Variants in MAML3 observed in about 807,000 individuals in gnomAD.
MAML3 encodes the protein mastermind like transcriptional coactivator 3.
In MAML3, 27 loss-of-function variants were observed where a neutral mutation model predicts 101.9. The observed-to-expected ratio is 0.27, with a 90% CI of 0.20 to 0.37. The LOEUF (loss-of-function observed/expected upper bound fraction) is 0.37. Ranked by LOEUF, MAML3 falls within the 10% of genes least tolerant of loss-of-function variation. The pLI, the probability that MAML3 is intolerant of heterozygous loss-of-function variation, is 1.00. For missense variants in MAML3, 1,316 were observed against 1,444.9 expected (o/e 0.91, Z 1.45); for synonymous variants, 501 against 555.9 (o/e 0.90, Z 1.39).
intron 1 of MAML3, among the ~76,000 whole-genome samples, chr4:140,032,377 A>G (rs1416948661): frequency 2.6e-5 from 4 of 152,226 alleles, no homozygotes; most frequent in African/African-American, 9.7e-5. Context: ...AACCTCTAGC[A>G]TTGAATGTAG....
chr4:139,850,602 C>T (rs902343327), intron 2 of MAML3, among the ~76,000 whole-genome samples: 5 of 151,674 alleles, frequency 3.3e-5, no homozygotes, highest in South Asian at 2.1e-4. Context: ...GGCACAATCT[C>T]GGCTCACTGC....
At chr4:139,815,302 C>T (rs809945) in intron 2 of MAML3, among the ~76,000 whole-genome samples, 125,268 of 152,160 alleles carry the variant, frequency 0.82, 51,579 homozygotes, top group South Asian at 0.89. Flanking sequence ...ATTTCTCTTA[C>T]AACAGGTAAA....
intron 2 of MAML3, among the ~76,000 whole-genome samples, chr4:139,875,227 TCCCGA>T (rs1732088393): frequency 7.3e-6 from 1 of 137,230 alleles, no homozygotes; most frequent in African/African-American, 2.7e-5. Context: ...CAGAGCTGAC[TCCCGA>T]CCTCTACACT....
chr4:139,971,977 T>C (rs1338627062), intron 1 of MAML3, among the ~76,000 whole-genome samples: 1 of 152,240 alleles, frequency 6.6e-6, no homozygotes, highest in African/African-American at 2.4e-5. Context: ...TTCAAATTTA[T>C]GCTTTGGCAA....
intron 1 of MAML3, among the ~76,000 whole-genome samples, chr4:139,964,759 AC>A (rs902202192): frequency 6.6e-6 from 1 of 152,034 alleles, no homozygotes; most frequent in Non-Finnish European, 1.5e-5. Context: ...CAAGAGATGT[AC>A]TTCTACTTAT....
At chr4:139,937,392 G>GTTT (rs949562371) in intron 1 of MAML3, among the ~76,000 whole-genome samples, 2 of 143,610 alleles carry the variant, frequency 1.4e-5, no homozygotes, top group Admixed American at 7.0e-5. Flanking sequence ...TAGCAAAGGA[G>GTTT]TTTTTTTTTT....
At chr4:139,818,506 T>A (rs567334013) in intron 2 of MAML3, among the ~76,000 whole-genome samples, 36 of 152,320 alleles carry the variant, frequency 2.4e-4, no homozygotes, top group African/African-American at 8.4e-4. Flanking sequence ...ATATCACAAT[T>A]CCTTCCTACT....
chr4:139,978,916 TCAAAGAGC>T (rs1288204787), intron 1 of MAML3, among the ~76,000 whole-genome samples: 1 of 30,762 alleles, frequency 3.3e-5, no homozygotes, highest in African/African-American at 6.8e-5. Flanking sequence ...CCTTTCACTT[TCAAAGAGC>T]TCTATGACTA....
intron 1 of MAML3, among the ~76,000 whole-genome samples, chr4:139,984,809 T>C (rs1734507753): frequency 1.3e-5 from 2 of 152,294 alleles, no homozygotes; most frequent in Admixed American, 1.3e-4. Flanking sequence ...CCCTGGGTAA[T>C]CTCCTTTATT....
intron 2 of MAML3, among the ~76,000 whole-genome samples, chr4:139,737,995 G>T (rs573947852): frequency 5.6e-4 from 85 of 152,374 alleles, no homozygotes; most frequent in African/African-American, 2.0e-3. Flanking sequence ...GGGGCCCAAT[G>T]CGAAGGCTGC....
intron 2 of MAML3, among the ~76,000 whole-genome samples, chr4:139,851,358 A>T (rs1455493894): frequency 6.6e-6 from 1 of 152,236 alleles, no homozygotes; most frequent in East Asian, 1.9e-4. Flanking sequence ...GGGCCTTTTA[A>T]GACTCTTCAG....
rs939201514 is a variant in MAML3 at position 139,833,899 on chromosome 4, A to C, written c.2079+55458T>G. On this transcript the variant is annotated intron_variant, in intron 2 of 4. Coordinates refer to ENST00000509479, the MANE Select transcript of MAML3 (RefSeq NM_018717.5). ...CCTGAATTAGCAGAAAGCCTCTTTA[A>C]TAGATTGTGCTTAGGCTGGGGGTGG... 7.2e-4 allele frequency among the ~76,000 whole-genome samples: 110 copies of C among 152,056 alleles called. 1 individual carries two copies. The highest frequency in any genetic ancestry group is 1.8e-4 in the Non-Finnish European group (12 of 68,012).
intron 4 of MAML3, 140 bp from the exon 5 acceptor site, chr4:139,720,463 A>G: frequency 1.2e-6 from 1 of 803,376 alleles, no homozygotes; most frequent in Non-Finnish European, 1.8e-6. Context: ...TGTAACAAAA[A>G]TGATTATTTT....
At chr4:140,113,104 C>T (rs137919304) in intron 1 of MAML3, among the ~76,000 whole-genome samples, 67 of 151,954 alleles carry the variant, frequency 4.4e-4, no homozygotes, top group African/African-American at 1.6e-3. Context: ...TCGTGAAACC[C>T]CATCTCTACT....
chr4:140,046,694 C>A (rs1476246149), intron 1 of MAML3, among the ~76,000 whole-genome samples: 1 of 151,908 alleles, frequency 6.6e-6, no homozygotes, highest in East Asian at 1.9e-4. Flanking sequence ...GAGGAAGACA[C>A]AGCTCTGGGC....
At chr4:139,859,226 CATT>C (rs1475172202) in intron 2 of MAML3, among the ~76,000 whole-genome samples, 2 of 134,688 alleles carry the variant, frequency 1.5e-5, no homozygotes, top group African/African-American at 5.6e-5. Flanking sequence ...GGTTCTACTA[CATT>C]TTTTTTTTTT....
intron 2 of MAML3, among the ~76,000 whole-genome samples, chr4:139,805,666 CCCAGA>C (rs1730687025): frequency 6.6e-6 from 1 of 152,142 alleles, no homozygotes; most frequent in Non-Finnish European, 1.5e-5. Flanking sequence ...GTCAACTCTT[CCCAGA>C]CCATTCTATA....
chr4:140,031,257 A>T (rs762717869), intron 1 of MAML3, among the ~76,000 whole-genome samples: 2 of 152,238 alleles, frequency 1.3e-5, no homozygotes, highest in Non-Finnish European at 2.9e-5. Context: ...TTATTCTTCA[A>T]ATAACAGCTA....
chr4:140,023,534 T>C (rs564494906), intron 1 of MAML3, among the ~76,000 whole-genome samples: 68 of 152,370 alleles, frequency 4.5e-4, no homozygotes, highest in African/African-American at 1.4e-3. Flanking sequence ...CAAAGGCTAT[T>C]TGTCAGGGGG....
Sources: allele counts gnomAD v4.1 joint callset (sites outside exome capture counted in the v4.1 genomes callset), GRCh38; gene constraint gnomAD v4.1.1; transcripts MANE v1.5; gene names NCBI Gene and HGNC (gene_info 2026-07-23, HGNC 2026-07-21).